Variants in PTPRJ observed in about 807,000 individuals in gnomAD.
PTPRJ encodes receptor-type tyrosine-protein phosphatase eta.
In PTPRJ, 129 loss-of-function variants were observed where a neutral mutation model predicts 141.3. That is an observed-to-expected ratio of 0.91 (90% confidence interval 0.79 to 1.06). PTPRJ has a LOEUF of 1.06. PTPRJ is among the 50% of genes least tolerant of loss of function. The pLI is 0.00. For synonymous variants in PTPRJ, 610 were observed against 640.5 expected, an observed-to-expected ratio of 0.95 and a Z score of 0.72; for missense variants, 1,601 against 1,679.7, an observed-to-expected ratio of 0.95 and a Z score of 0.82.
chr11:48,067,357 A>G (rs1458201691), intron 1 of PTPRJ, among the ~76,000 whole-genome samples: 2 of 152,146 alleles, frequency 1.3e-5, no homozygotes, highest in African/African-American at 4.8e-5. Context: ...TGACTTCCTC[A>G]ATGCCAGACT....
chr11:48,069,170 G>C lies in PTPRJ; in HGVS notation c.97-40888G>C, dbSNP rs552214936. On this transcript the variant is annotated intron_variant, in intron 1 of 24. Coordinates refer to ENST00000418331, the MANE Select transcript of PTPRJ (RefSeq NM_002843.4). ...GCTGGAGTGCAGTGGGGTGATCTCGGCTAATTGCAACCTCCGCCTCCCGGG... is the reference window on the plus strand; with the variant it reads ...GCTGGAGTGCAGTGGGGTGATCTCGCCTAATTGCAACCTCCGCCTCCCGGG... Among the ~76,000 whole-genome samples, 3 of 151,886 alleles carry C rather than the reference G, an allele frequency of 2.0e-5. No individual in the cohort carries two copies. In the South Asian group the frequency reaches 6.2e-4, roughly 32 times the overall value.
rs148286094 is a variant in PTPRJ at position 48,139,618 on chromosome 11, C to A, written c.2285C>A (p.Ala762Glu). The stretch of plus-strand genomic sequence containing the variant: ...GTCAGCAGTGGAGCCTGGAACAATG[C>A]GACCCACCTGGAGAGCTGCTCCTCT... The part of the protein sequence containing the change: ...LEVSSGAWNN[A>E]THLESCSSEN... The change falls in exon 11 of 25, where the codon GCG (alanine) becomes GAG (glutamate). Residue 762 changes from alanine to glutamate, a missense_variant. Transcript: ENST00000418331. 2.5e-6 allele frequency: 4 copies of A among 1,614,108 alleles called. No homozygotes were observed. In the African/African-American group the frequency reaches 4.0e-5, roughly 16 times the overall value.
chr11:48,140,456 G>T (rs1022564200), intron 11 of PTPRJ, among the ~76,000 whole-genome samples: 10 of 152,352 alleles, frequency 6.6e-5, no homozygotes, highest in Middle Eastern at 3.4e-3. Context: ...GGATTTCCAG[G>T]TCTGGTGGTG....
chr11:48,122,873 C>T (rs1856741083), intron 4 of PTPRJ, among the ~76,000 whole-genome samples: 1 of 152,156 alleles, frequency 6.6e-6, no homozygotes, highest in African/African-American at 2.4e-5. Flanking sequence ...CTATCTGCAG[C>T]ACTACCTGTG....
intron 1 of PTPRJ, among the ~76,000 whole-genome samples, chr11:48,019,198 C>T (rs369363132): frequency 3.3e-5 from 5 of 152,078 alleles, no homozygotes; most frequent in Non-Finnish European, 5.9e-5. Flanking sequence ...TGTTTAGGAA[C>T]GTGGATGTGG....
intron 12 of PTPRJ, among the ~76,000 whole-genome samples, 168 bp from the exon 13 acceptor site, chr11:48,144,507 G>A (rs1339161203): frequency 1.3e-5 from 2 of 152,230 alleles, no homozygotes; most frequent in African/African-American, 4.8e-5. Flanking sequence ...GTGAGTTACT[G>A]TAGGTGAAAC....
intron 1 of PTPRJ, among the ~76,000 whole-genome samples, chr11:48,053,554 A>G (rs543755259): frequency 8.4e-4 from 112 of 133,824 alleles, no homozygotes; most frequent in African/African-American, 3.1e-3. Context: ...TATTTTATAT[A>G]TATAATTTAT....
intron 1 of PTPRJ, among the ~76,000 whole-genome samples, chr11:48,087,687 G>A (rs1331885899): frequency 6.6e-6 from 1 of 152,202 alleles, no homozygotes; most frequent in Non-Finnish European, 1.5e-5. Context: ...CTGGTTTTGA[G>A]TCATCCATTT....
At chr11:47,982,107 C>T (rs920090022) in intron 1 of PTPRJ, among the ~76,000 whole-genome samples, 1 of 152,232 alleles carries the variant, frequency 6.6e-6, no homozygotes, top group African/African-American at 2.4e-5. Context: ...GCAGCAATGC[C>T]GCCTAGCAGG....
chr11:48,167,015 T>C (rs1857932050), intron 24 of PTPRJ, among the ~76,000 whole-genome samples, 189 bp from the exon 25 acceptor site: 1 of 152,208 alleles, frequency 6.6e-6, no homozygotes, highest in Non-Finnish European at 1.5e-5. Flanking sequence ...GAAGGACATC[T>C]TGCTTCTGTG....
At position 48,084,800 on chromosome 11, in the gene PTPRJ, G is replaced by A. The variant is rs75069775; in HGVS notation, c.97-25258G>A. Among the ~76,000 whole-genome samples, 1,245 of 152,144 alleles carry A rather than the reference G, an allele frequency of 8.2e-3. 13 individuals are homozygous for A. Among genetic ancestry groups the A allele is most frequent in the Non-Finnish European group, 0.015 (1,011 of 68,010 alleles). On this transcript the variant is annotated intron_variant, in intron 1 of 24. Coordinates refer to ENST00000418331, the MANE Select transcript of PTPRJ (RefSeq NM_002843.4). ...AATTTAGGTACACTTTGCTGCTTGG[G>A]GTCCATCTTGAGGGGATTGCCTTTT... is the stretch of plus-strand genomic sequence containing the variant.
intron 8 of PTPRJ, 41 bp from the exon 9 acceptor site, chr11:48,135,998 A>T: frequency 6.3e-7 from 1 of 1,594,578 alleles, no homozygotes; most frequent in African/African-American, 1.3e-5. Flanking sequence ...GGGCGTCATG[A>T]TAGTAACAGT....
At chr11:47,985,763 C>T (rs1209787711) in intron 1 of PTPRJ, among the ~76,000 whole-genome samples, 5 of 152,024 alleles carry the variant, frequency 3.3e-5, no homozygotes, top group Non-Finnish European at 7.4e-5. Flanking sequence ...TGCTGTGGCA[C>T]GATCTCGGCT....
chr11:48,023,299 T>C (rs1256996892), intron 1 of PTPRJ, among the ~76,000 whole-genome samples: 1 of 152,190 alleles, frequency 6.6e-6, no homozygotes, highest in East Asian at 1.9e-4. Flanking sequence ...CTTCCTCCTC[T>C]TGTCTTGTTT....
At chr11:48,112,238 A>G (rs566972798) in intron 2 of PTPRJ, among the ~76,000 whole-genome samples, 78 of 152,224 alleles carry the variant, frequency 5.1e-4, no homozygotes, top group Non-Finnish European at 1.0e-3. Context: ...GTCACATGCA[A>G]CATCTAGCTG....
chr11:48,026,504 G>A (rs574610624), intron 1 of PTPRJ, among the ~76,000 whole-genome samples: 4 of 150,386 alleles, frequency 2.7e-5, no homozygotes, highest in South Asian at 2.1e-4. Flanking sequence ...TTTTTGAGAC[G>A]GAGTTTCGCT....
At chr11:48,030,296 A>G (rs1853945282) in intron 1 of PTPRJ, among the ~76,000 whole-genome samples, 1 of 152,212 alleles carries the variant, frequency 6.6e-6, no homozygotes, top group Admixed American at 6.5e-5. Flanking sequence ...AGTGATGTAA[A>G]GTTTTATTTC....
At chr11:48,041,074 C>A (rs1854263162) in intron 1 of PTPRJ, among the ~76,000 whole-genome samples, 1 of 152,056 alleles carries the variant, frequency 6.6e-6, no homozygotes, top group Non-Finnish European at 1.5e-5. Context: ...GAAATTCATG[C>A]CAGTCCAGTC....
intron 6 of PTPRJ, 95 bp from the exon 7 acceptor site, chr11:48,127,685 A>C: frequency 5.4e-6 from 7 of 1,302,084 alleles, no homozygotes; most frequent in Non-Finnish European, 7.6e-6. Context: ...CTCCCCCAGG[A>C]GAGTTTGCTG....
Sources: gnomAD v4.1 joint callset for allele counts (sites outside exome capture counted in the v4.1 genomes callset) on GRCh38, gnomAD v4.1.1 for gene constraint, MANE v1.5 for transcripts, NCBI Gene and HGNC (gene_info 2026-07-23, HGNC 2026-07-21) for gene names.